Variants in PAPOLG observed in about 807,000 individuals in gnomAD.
PAPOLG encodes PAP-gamma.
PAPOLG carries 40 observed loss-of-function variants against 99.0 expected under a neutral mutation model. The observed-to-expected ratio is 0.40, with a 90% CI of 0.31 to 0.53. The LOEUF (loss-of-function observed/expected upper bound fraction) is 0.53. Among genes scored for constraint, PAPOLG ranks in the 20% least tolerant of loss-of-function variants. PAPOLG has a pLI of 0.41. For synonymous variants in PAPOLG, 310 were observed against 299.3 expected, an observed-to-expected ratio of 1.04 and a Z score of -0.37; for missense variants, 675 against 884.1, an observed-to-expected ratio of 0.76 and a Z score of 3.00.
chr2:60,789,436 T>C (rs1045063490), intron 15 of PAPOLG, among the ~76,000 whole-genome samples: 2 of 152,154 alleles, frequency 1.3e-5, no homozygotes, highest in Admixed American at 1.3e-4. Flanking sequence ...GATTTCGCCA[T>C]GTTGCCCAGG....
intron 7 of PAPOLG, among the ~76,000 whole-genome samples, chr2:60,772,114 C>T (rs1670870782): frequency 6.6e-6 from 1 of 151,384 alleles, no homozygotes; most frequent in Non-Finnish European, 1.5e-5. Context: ...TTTGTGTCTA[C>T]AATTGATTGT....
chr2:60,769,031 T>G, intron 5 of PAPOLG, 141 bp downstream of exon 5: 6 of 672,710 alleles, frequency 8.9e-6, no homozygotes, highest in Non-Finnish European at 1.4e-5. Flanking sequence ...AAGTGATGAT[T>G]AAATCATGAT....
intron 10 of PAPOLG, 116 bp downstream of exon 10, chr2:60,780,895 T>C (rs1671168086): frequency 1.2e-6 from 1 of 842,768 alleles, no homozygotes; most frequent in South Asian, 1.6e-5. Flanking sequence ...TATATAACTA[T>C]AGTCCCCTTC....
chr2:60,769,168 T>G (rs934521909), intron 5 of PAPOLG, among the ~76,000 whole-genome samples: 1 of 152,186 alleles, frequency 6.6e-6, no homozygotes, highest in Admixed American at 6.5e-5. Context: ...AAAACAGAGA[T>G]GTGGTAATAA....
chr2:60,777,450 C>T lies in PAPOLG; in HGVS notation c.695-2187C>T, dbSNP rs549477162. ...CAGCCTGGGCGACAGAGCAAGACTC[C>T]GTCTCAAAAAAAAATTTTTTTTTTC... On this transcript the variant is annotated intron_variant, in intron 8 of 21. Transcript: ENST00000238714. Among the ~76,000 whole-genome samples, 17 of 152,070 alleles carry T rather than the reference C, an allele frequency of 1.1e-4. No homozygotes were observed. The East Asian group carries it at 1.9e-3, about 17-fold the overall frequency.
intron 1 of PAPOLG, among the ~76,000 whole-genome samples, chr2:60,759,885 C>T (rs1247047139): frequency 6.6e-6 from 1 of 152,106 alleles, no homozygotes; most frequent in African/African-American, 2.4e-5. Flanking sequence ...GTCTTGATGC[C>T]AACACATGCT....
At position 60,787,580 on chromosome 2, in the gene PAPOLG, C is replaced by T; in HGVS notation, c.1356C>T (p.Asn452=). The part of the protein sequence containing the change: ...FRRVENAESV[N]IDLTYDIQSF... ...GAGTAGAAAATGCAGAAAGTGTCAA[C>T]ATAGACTTGACATATGATATACAGT... is the stretch of plus-strand genomic sequence containing the variant. The change falls in exon 15 of 22, where the codon AAC becomes AAT. Residue 452 remains asparagine, a synonymous_variant. Transcript: ENST00000238714. 1.2e-6 allele frequency: 2 copies of T among 1,614,060 alleles called. No homozygotes were observed. The highest frequency in any genetic ancestry group is 1.1e-5 in the South Asian group (1 of 91,066).
rs1378636893 is a variant in PAPOLG, at chr2:60,800,247, A to G, written c.*3087A>G. The G allele has an allele frequency of 6.6e-6, 1 of 152,108 alleles. No homozygotes were observed. Among genetic ancestry groups the G allele is most frequent in the Non-Finnish European group, 1.5e-5 (1 of 68,038 alleles). The allele number at this position is 152,108 out of a possible 1,614,324, so 9.4% of individuals were successfully genotyped here. On this transcript the variant is annotated 3_prime_UTR_variant, in exon 22 of 22. Coordinates refer to ENST00000238714, the MANE Select transcript of PAPOLG (RefSeq NM_022894.4). ...GTCACCCAGTCTGGAGCACAGTGGC[A>G]TGATCTCACCTCACTGCAACCTCTG...
In PAPOLG at chr2:60,797,505, CTTTT is replaced by C. The variant is rs902513490; in HGVS notation, c.*348_*351del. ...GACACTGATAACAAGTCCTGAACTC[CTTTT>C]TTGTTTTGTTTTTTGTGTTTTTCTT... On this transcript the variant is annotated 3_prime_UTR_variant, in exon 22 of 22. Transcript: ENST00000238714. The C allele has an allele frequency of 4.9e-6, 1 of 204,474 alleles. No individual in the cohort carries two copies. The highest frequency in any genetic ancestry group is 2.4e-5 in the African/African-American group (1 of 41,758). 12.7% of individuals were successfully genotyped at this position (204,474 alleles called of 1,614,324 possible). A position where few individuals can be genotyped will look rare whatever the true frequency, so the allele number is the denominator to read the frequency against.
chr2:60,757,113 GTC>G (rs1469119268), intron 1 of PAPOLG, among the ~76,000 whole-genome samples: 1 of 152,120 alleles, frequency 6.6e-6, no homozygotes, highest in Non-Finnish European at 1.5e-5. Context: ...TTCCATTTTG[GTC>G]TATTAGGAAA....
chr2:60,791,725 A>G, intron 15 of PAPOLG, 36 bp from the exon 16 acceptor site: 3 of 1,568,044 alleles, frequency 1.9e-6, no homozygotes, highest in Non-Finnish European at 2.6e-6. Flanking sequence ...TGGTTCAGAA[A>G]GAAGTTTCCC....
intron 3 of PAPOLG, among the ~76,000 whole-genome samples, chr2:60,763,236 T>C (rs1385823597): frequency 6.6e-6 from 1 of 151,930 alleles, no homozygotes; most frequent in Non-Finnish European, 1.5e-5. Flanking sequence ...ACAATTGTGC[T>C]TGGCTTATTT....
intron 18 of PAPOLG, 81 bp from the exon 19 acceptor site, chr2:60,793,890 G>A: frequency 6.8e-7 from 1 of 1,468,204 alleles, no homozygotes; most frequent in African/African-American, 1.4e-5. Context: ...CAGCCTGGGT[G>A]ATGGGAATGA....
At chr2:60,762,983 C>T (rs760770457) in intron 3 of PAPOLG, among the ~76,000 whole-genome samples, 1 of 151,078 alleles carries the variant, frequency 6.6e-6, no homozygotes, top group East Asian at 1.9e-4. Context: ...CTTGCTCTGT[C>T]ACCCAGGCTA....
chr2:60,790,908 A>T (rs1671511132), intron 15 of PAPOLG, among the ~76,000 whole-genome samples: 1 of 151,550 alleles, frequency 6.6e-6, no homozygotes, highest in South Asian at 2.1e-4. Context: ...GGCCAACATA[A>T]TGAAACCCTG....
chr2:60,794,663 T>C, intron 19 of PAPOLG, 47 bp from the exon 20 acceptor site: 2 of 1,506,356 alleles, frequency 1.3e-6, no homozygotes, highest in Non-Finnish European at 9.2e-7. Flanking sequence ...TTTATATGGG[T>C]TTTTGTAGGT....
In PAPOLG at chr2:60,781,909, C is replaced by G. The variant is rs778897472; in HGVS notation, c.931C>G (p.Leu311Val). The G allele has an allele frequency of 1.9e-6, 3 of 1,613,990 alleles. No individual in the cohort carries two copies. In the Admixed American group the frequency reaches 5.0e-5, roughly 27 times the overall value. The change falls in exon 11 of 22, where the codon CTC becomes GTC. Residue 311 changes from leucine (L) to valine (V), a missense_variant. Physicochemically the swap from Leu to Val is conservative, Grantham distance 32. Around this residue, in one of 3 missense-constraint regions of PAPOLG, gnomAD observed 113 missense variants for 231.5 expected, o/e 0.49. Transcript: ENST00000238714. ...PRVNPSDRYH[L>V]MPIITPAYPQ... ...GGTAAATCCATCAGATAGGTATCAT[C>G]TCATGCCCATAATCACCCCTGCCTA...
In PAPOLG at chr2:60,792,440, C is replaced by T. The variant is rs1012154742; in HGVS notation, c.1679+151C>T. The stretch of plus-strand genomic sequence containing the variant: ...TGGTCAATTTCTTGCTTAGAAATAA[C>T]TCGTGGTAATCCTGTGGGAAACGGT... On this transcript the variant is annotated intron_variant, in intron 17 of 21. Coordinates refer to ENST00000238714, the MANE Select transcript of PAPOLG (RefSeq NM_022894.4). The T allele has an allele frequency of 1.0e-5, 8 of 771,116 alleles. No homozygotes were observed. The African/African-American group carries it at 1.3e-4, about 12-fold the overall frequency. The allele number at this position is 771,116 out of a possible 1,614,324, so 47.8% of individuals were successfully genotyped here.
intron 3 of PAPOLG, 65 bp from the exon 4 acceptor site, chr2:60,768,405 A>G: frequency 1.3e-6 from 2 of 1,549,668 alleles, no homozygotes; most frequent in South Asian, 1.1e-5. Flanking sequence ...CCCAGCCAAC[A>G]TTGAGGTGAC....
Sources: gnomAD v4.1 joint callset for allele counts (sites outside exome capture counted in the v4.1 genomes callset) on GRCh38, gnomAD v4.1.1 for gene constraint, gnomAD v4.1.1 regional missense constraint, MANE v1.5 for transcripts, NCBI Gene and HGNC (gene_info 2026-07-23, HGNC 2026-07-21) for gene names.